The following MC2R variants were observed in gnomAD, a reference collection of about 807,000 sequenced individuals.
The protein encoded by MC2R is melanocortin 2 receptor, also known as adrenocorticotropic hormone receptor.
A neutral mutation model predicts 9.8 loss-of-function variants in MC2R; 9 were observed. The ratio of observed to expected loss-of-function variants is 0.92; its 90% CI spans 0.55 to 1.60. The LOEUF is 1.60. Among genes scored for constraint, MC2R ranks in the 40% most tolerant of loss-of-function variants. The pLI is 0.00. For synonymous variants in MC2R, 185 were observed against 154.7 expected, an observed-to-expected ratio of 1.20 and a Z score of -1.45; for missense variants, 370 against 389.0, an observed-to-expected ratio of 0.95 and a Z score of 0.41.
chr18:13,884,921 C>A lies in MC2R; in HGVS notation c.598G>T (p.Ala200Ser), dbSNP rs1343578228. ...LCLYVHMFLLARSHTRKISTL... is the reference protein window; with the variant it reads ...LCLYVHMFLLSRSHTRKISTL... ...GAGATCTTCCTGGTGTGGGATCGAGCCAGCAGGAACATGTGCACATAGAGG... is the reference window on the plus strand; with the variant it reads ...GAGATCTTCCTGGTGTGGGATCGAGACAGCAGGAACATGTGCACATAGAGG... Residue 200 changes from alanine (A) to serine (S), a missense_variant, in exon 2 of 2, where the codon GCT (alanine) becomes TCT (serine). Transcript: ENST00000327606. 1.2e-6 allele frequency: 2 copies of A among 1,613,796 alleles called. No individual in the cohort carries two copies. Among genetic ancestry groups the A allele is most frequent in the East Asian group, 4.5e-5 (2 of 44,856 alleles).
At chr18:13,907,025 A>G (rs114414370) in intron 1 of MC2R, among the ~76,000 whole-genome samples, 1,896 of 152,346 alleles carry the variant, frequency 0.012, 25 homozygotes, top group African/African-American at 0.043. Flanking sequence ...AAAAAAATCT[A>G]AAATTTATGT....
chr18:13,893,752 AT>A (rs2045330469), intron 1 of MC2R, among the ~76,000 whole-genome samples: 1 of 113,584 alleles, frequency 8.8e-6, no homozygotes, highest in Non-Finnish European at 1.9e-5. Context: ...CTCAATGGAT[AT>A]GGATTTTTCT....
intron 1 of MC2R, among the ~76,000 whole-genome samples, chr18:13,909,290 C>T (rs190928767): frequency 1.3e-5 from 2 of 152,198 alleles, no homozygotes; most frequent in African/African-American, 4.8e-5. Flanking sequence ...CTATCATTCT[C>T]ATTACATCAC....
chr18:13,912,968 G>A (rs1207754550), intron 1 of MC2R, among the ~76,000 whole-genome samples: 2 of 152,052 alleles, frequency 1.3e-5, no homozygotes, highest in African/African-American at 4.8e-5. Context: ...AGCATCTCTC[G>A]GTGTGATCAT....
intron 1 of MC2R, among the ~76,000 whole-genome samples, chr18:13,887,757 C>T (rs1567896679): frequency 2.0e-5 from 3 of 152,166 alleles, no homozygotes; most frequent in Admixed American, 6.5e-5. Flanking sequence ...TTCCTGCCTT[C>T]GGACTAGCAC....
intron 1 of MC2R, among the ~76,000 whole-genome samples, chr18:13,887,178 G>C (rs539711940): frequency 3.2e-4 from 43 of 136,508 alleles, no homozygotes; most frequent in Middle Eastern, 7.6e-3. Flanking sequence ...GGGATGGGAG[G>C]GGAAGCCTGT....
intron 1 of MC2R, among the ~76,000 whole-genome samples, chr18:13,889,427 C>T (rs1017460171): frequency 6.6e-6 from 1 of 152,158 alleles, no homozygotes; most frequent in Non-Finnish European, 1.5e-5. Flanking sequence ...TGCCTGAAGG[C>T]GTAGGTCTTG....
At chr18:13,906,856 T>C (rs1304485192) in intron 1 of MC2R, among the ~76,000 whole-genome samples, 1 of 152,124 alleles carries the variant, frequency 6.6e-6, no homozygotes, top group East Asian at 1.9e-4. Context: ...TATAAAACAC[T>C]GATGAAAGAA....
chr18:13,909,713 C>T (rs968632716), intron 1 of MC2R, among the ~76,000 whole-genome samples: 9 of 152,194 alleles, frequency 5.9e-5, no homozygotes, highest in Non-Finnish European at 1.2e-4. Context: ...CACCTGTGTC[C>T]TGTGCCAGAC....
rs2045258966 is a variant in MC2R, at chr18:13,884,489, C to G, written c.*136G>C. 1.0e-6 allele frequency: 1 copy of G among 954,584 alleles called. No individual in the cohort carries two copies. Among genetic ancestry groups the G allele is most frequent in the Non-Finnish European group, 1.7e-6 (1 of 603,420 alleles). 59.1% of individuals were successfully genotyped at this position (954,584 alleles called of 1,614,324 possible). A position where few individuals can be genotyped will look rare whatever the true frequency, so the allele number is the denominator to read the frequency against. On this transcript the variant is annotated 3_prime_UTR_variant, in exon 2 of 2. Transcript: ENST00000327606. ...ACATAGAACCTAGCTATTAGAAACA[C>G]TAGCTGGTGGGATCATCCTTGCATC...
intron 1 of MC2R, among the ~76,000 whole-genome samples, chr18:13,901,362 A>G (rs76008539): frequency 0.088 from 13,370 of 152,084 alleles, 758 homozygotes; most frequent in East Asian, 0.19. Context: ...AACCAAACCA[A>G]AAAGTAGTAA....
chr18:13,884,335 G>C lies in MC2R; in HGVS notation c.*290C>G. On this transcript the variant is annotated 3_prime_UTR_variant, in exon 2 of 2. Transcript: ENST00000327606. Reference sequence around the variant, plus strand: ...AAAGTAATTGCAATTTTTGGTCATTGAAAGTAATGGCAAAAACCTTAATTA... The same window carrying C: ...AAAGTAATTGCAATTTTTGGTCATTCAAAGTAATGGCAAAAACCTTAATTA... 2.2e-6 allele frequency: 1 copy of C among 454,726 alleles called. No individual in the cohort carries two copies. The highest frequency in any genetic ancestry group is 2.0e-5 in the African/African-American group (1 of 50,852). The allele number at this position is 454,726 out of a possible 1,614,324, so 28.2% of individuals were successfully genotyped here.
At chr18:13,895,025 G>C (rs185183944) in intron 1 of MC2R, among the ~76,000 whole-genome samples, 4 of 151,562 alleles carry the variant, frequency 2.6e-5, no homozygotes, top group Admixed American at 2.6e-4. Context: ...GAGCAGCCGG[G>C]CAGTGCCCTG....
At chr18:13,890,594 C>T (rs78005244) in intron 1 of MC2R, among the ~76,000 whole-genome samples, 1,821 of 152,182 alleles carry the variant, frequency 0.012, 38 homozygotes, top group African/African-American at 0.042. Context: ...AGCTCCTCTC[C>T]GCGTCCCAGC....
intron 1 of MC2R, among the ~76,000 whole-genome samples, chr18:13,893,915 A>G (rs2045331313): frequency 6.6e-6 from 1 of 152,178 alleles, no homozygotes; most frequent in South Asian, 2.1e-4. Flanking sequence ...CTAAGAATAG[A>G]TTTGAGGTTG....
intron 1 of MC2R, among the ~76,000 whole-genome samples, chr18:13,912,602 T>A (rs569822195): frequency 6.6e-6 from 1 of 152,340 alleles, no homozygotes; most frequent in African/African-American, 2.4e-5. Context: ...TAGATTATTA[T>A]TAATCAATTA....
chr18:13,905,135 C>G (rs1292157206), intron 1 of MC2R, among the ~76,000 whole-genome samples: 3 of 152,112 alleles, frequency 2.0e-5, no homozygotes, highest in Non-Finnish European at 4.4e-5. Context: ...TGCAATCTAT[C>G]TATCTGACAA....
At chr18:13,903,789 A>G (rs2045394716) in intron 1 of MC2R, among the ~76,000 whole-genome samples, 1 of 152,190 alleles carries the variant, frequency 6.6e-6, no homozygotes, top group African/African-American at 2.4e-5. Context: ...CAGGGTGACT[A>G]TAGTGAATAA....
At position 13,883,271 on chromosome 18, in the gene MC2R, C is replaced by T. The variant is rs2149134094; in HGVS notation, c.*1354G>A. ...TCACCCCATTCAAGTCACCCTCCAA[C>T]TTAGTGGGGACTTACAATCAGGATG... On this transcript the variant is annotated 3_prime_UTR_variant, in exon 2 of 2. Coordinates refer to ENST00000327606, the MANE Select transcript of MC2R (RefSeq NM_000529.2). The T allele has an allele frequency of 6.6e-6, 1 of 152,384 alleles. No individual in the cohort carries two copies. The highest frequency in any genetic ancestry group is 6.5e-5 in the Admixed American group (1 of 15,310). 9.4% of individuals were successfully genotyped at this position (152,384 alleles called of 1,614,324 possible). A position where few individuals can be genotyped will look rare whatever the true frequency, so the allele number is the denominator to read the frequency against.
Sources: allele counts gnomAD v4.1 joint callset (sites outside exome capture counted in the v4.1 genomes callset), GRCh38; gene constraint gnomAD v4.1.1; transcripts MANE v1.5; gene names NCBI Gene and HGNC (gene_info 2026-07-23, HGNC 2026-07-21).